The following COL4A2 variants were observed in gnomAD, a reference collection of about 807,000 sequenced individuals.
The protein encoded by COL4A2 is collagen type IV alpha 2 chain, also known as collagen alpha-2(IV) chain.
Under a neutral mutation model 200.2 loss-of-function variants are expected in COL4A2, and 99 were observed. The observed-to-expected ratio is 0.49, with a 90% CI of 0.42 to 0.58. COL4A2 has a LOEUF of 0.58. Ranked by LOEUF, COL4A2 falls within the 20% of genes least tolerant of loss-of-function variation. The pLI, the probability that COL4A2 is intolerant of heterozygous loss-of-function variation, is 0.00. For missense variants in COL4A2, 1,950 were observed against 2,314.1 expected (o/e 0.84, Z 3.23); for synonymous variants, 897 against 900.6 (o/e 1.00, Z 0.07).
At chr13:110,341,178 C>T (rs1280167551) in intron 3 of COL4A2, 2 of 152,364 alleles carry the variant, frequency 1.3e-5, no homozygotes, top group African/African-American at 4.8e-5. Flanking sequence ...ATCAGAACCC[C>T]ATTTTAAAAC....
In COL4A2 at chr13:110,491,223, G is replaced by A. The variant is rs1176566266; in HGVS notation, c.3347-10G>A. 1.3e-6 allele frequency: 2 copies of A among 1,578,528 alleles called. No individual in the cohort carries two copies. The highest frequency in any genetic ancestry group is 2.3e-5 in the South Asian group (2 of 86,814). On this transcript the variant is annotated splice_polypyrimidine_tract_variant and intron_variant, in intron 36 of 47. Transcript: ENST00000360467. ...TCTGTTTGTTCCAAGCAGCATGTCT[G>A]TGGTTGCAGGTCTGAAGGGATTCTT...
rs1173238892 is a variant in COL4A2, at chr13:110,484,966, C to T, written c.2964C>T (p.Asp988=). 6.2e-7 allele frequency: 1 copy of T among 1,613,086 alleles called. No homozygotes were observed. Among genetic ancestry groups the T allele is most frequent in the Non-Finnish European group, 8.5e-7 (1 of 1,179,318 alleles). Residue 988 remains aspartate (D), a synonymous_variant, in exon 33 of 48, where the codon GAC becomes GAT. Transcript: ENST00000360467. The part of the protein sequence containing the change: ...PPPVILPGMK[D]IKGEKGDEGP... ...CTGTCATCCTGCCAGGAATGAAAGACATTAAAGGAGAGAAAGGAGATGAAG... is the reference window on the plus strand; with the variant it reads ...CTGTCATCCTGCCAGGAATGAAAGATATTAAAGGAGAGAAAGGAGATGAAG...
At chr13:110,317,631 T>C (rs908884523) in intron 3 of COL4A2, among the ~76,000 whole-genome samples, 1 of 151,900 alleles carries the variant, frequency 6.6e-6, no homozygotes, top group Non-Finnish European at 1.5e-5. Context: ...GACCAAGAAA[T>C]ACATGAGAAT....
At chr13:110,502,984 T>C in intron 41 of COL4A2, 137 bp from the exon 42 acceptor site, 2 of 814,604 alleles carry the variant, frequency 2.5e-6, no homozygotes, top group Non-Finnish European at 2.0e-6. Flanking sequence ...GACAATTTTT[T>C]AAAAACATAG....
chr13:110,457,707 G>T, intron 21 of COL4A2: 1 of 610,516 alleles, frequency 1.6e-6, no homozygotes, highest in Non-Finnish European at 3.2e-6. Context: ...TGAGCCTGAT[G>T]CTGAGTCCTG....
chr13:110,486,583 C>T (rs1883124973), intron 34 of COL4A2, among the ~76,000 whole-genome samples: 1 of 152,214 alleles, frequency 6.6e-6, no homozygotes, highest in Non-Finnish European at 1.5e-5. Context: ...AAGGTCTGGG[C>T]CCCTTGATGT....
chr13:110,442,691 C>T (rs907199234), intron 16 of COL4A2, among the ~76,000 whole-genome samples: 4 of 149,038 alleles, frequency 2.7e-5, no homozygotes, highest in African/African-American at 4.9e-5. Flanking sequence ...GGAATGGAGA[C>T]GTAGCATTTA....
chr13:110,509,270 T>TATATATATATACAC (rs1435137108), intron 47 of COL4A2, among the ~76,000 whole-genome samples: 3 of 115,600 alleles, frequency 2.6e-5, no homozygotes, highest in African/African-American at 1.0e-4. Flanking sequence ...TATATATATA[T>TATATATATATACAC]ACACACACAC....
intron 3 of COL4A2, among the ~76,000 whole-genome samples, chr13:110,342,544 C>T (rs769761025): frequency 2.6e-5 from 4 of 152,150 alleles, no homozygotes; most frequent in Admixed American, 6.5e-5. Flanking sequence ...TACTTCCTGC[C>T]GGGAGCCGGG....
In COL4A2 at chr13:110,491,229, G is replaced by A. The variant is rs1883274436; in HGVS notation, c.3347-4G>A. The A allele has an allele frequency of 6.3e-7, 1 of 1,586,176 alleles. No homozygotes were observed. The highest frequency in any genetic ancestry group is 8.6e-7 in the Non-Finnish European group (1 of 1,163,788). On this transcript the variant is annotated splice_region_variant and splice_polypyrimidine_tract_variant and intron_variant, in intron 36 of 47. Coordinates refer to ENST00000360467, the MANE Select transcript of COL4A2 (RefSeq NM_001846.4). The stretch of plus-strand genomic sequence containing the variant: ...TGTTCCAAGCAGCATGTCTGTGGTT[G>A]CAGGTCTGAAGGGATTCTTTGGAGA...
chr13:110,385,534 G>T, intron 4 of COL4A2, among the ~76,000 whole-genome samples: 1 of 110,350 alleles, frequency 9.1e-6, no homozygotes, highest in Non-Finnish European at 2.1e-5. Flanking sequence ...ACAGTGCGTG[G>T]ATAGGCCGTG....
At position 110,355,360 on chromosome 13, in the gene COL4A2, G is replaced by T. The variant is rs1487257026; in HGVS notation, c.100-2112G>T. On this transcript the variant is annotated intron_variant, in intron 3 of 47. Coordinates refer to ENST00000360467, the MANE Select transcript of COL4A2 (RefSeq NM_001846.4). ...CACTAGCTCACCTGTGTGTGTGGGG[G>T]AGGGCTGCACTAGCTCACCTGTGTG... 7.3e-5 allele frequency among the ~76,000 whole-genome samples: 10 copies of T among 137,512 alleles called. 1 individual carries two copies. Among genetic ancestry groups the T allele is most frequent in the African/African-American group, 2.3e-4 (8 of 34,928 alleles). The allele number at this position is 137,512 out of a possible 152,430, so 90.2% of individuals were successfully genotyped here. A position where few individuals can be genotyped will look rare whatever the true frequency, so the allele number is the denominator to read the frequency against.
At chr13:110,436,871 ACT>A (rs1365643619) in intron 13 of COL4A2, among the ~76,000 whole-genome samples, 4 of 150,906 alleles carry the variant, frequency 2.7e-5, no homozygotes, top group Non-Finnish European at 5.9e-5. Flanking sequence ...TGCCGCGTCC[ACT>A]CTCTCTACGT....
In COL4A2 at chr13:110,337,681, C is replaced by T. The variant is rs187338338; in HGVS notation, c.100-19791C>T. Among the ~76,000 whole-genome samples the T allele has an allele frequency of 1.1e-3, 171 of 152,290 alleles. 1 individual carries two copies. The highest frequency in any genetic ancestry group is 4.0e-3 in the African/African-American group (165 of 41,552). On this transcript the variant is annotated intron_variant, in intron 3 of 47. Transcript: ENST00000360467. ...CAAAAGGTCCTGCTCCACATCTGAC[C>T]GCAAGCAGCCCTCTGACACAGTGCT...
chr13:110,309,807 C>A (rs114464389), intron 3 of COL4A2, among the ~76,000 whole-genome samples: 1 of 151,722 alleles, frequency 6.6e-6, no homozygotes, highest in Non-Finnish European at 1.5e-5. Flanking sequence ...GGGAGAAACA[C>A]GGTAAAACCC....
intron 28 of COL4A2, 89 bp from the exon 29 acceptor site, chr13:110,472,840 T>A: frequency 7.7e-7 from 1 of 1,298,232 alleles, no homozygotes; most frequent in East Asian, 2.5e-5. Flanking sequence ...ATAGCCAAAT[T>A]TTTGCTGTTT....
chr13:110,461,521 T>C (rs962662511), intron 22 of COL4A2, among the ~76,000 whole-genome samples: 3 of 152,222 alleles, frequency 2.0e-5, no homozygotes, highest in Non-Finnish European at 4.4e-5. Flanking sequence ...TACTTATTTA[T>C]TTATTTATTT....
chr13:110,512,155 C>T lies in COL4A2; in HGVS notation c.5103C>T (p.His1701=), dbSNP rs772344537. ...TCAAGGCCGGCCTCATCCGCACACA[C>T]ATCAGCCGCTGCCAGGTGTGCATGA... is the stretch of plus-strand genomic sequence containing the variant. ...DTLKAGLIRT[H]ISRCQVCMKN... is the part of the protein sequence containing the mutation. Residue 1701 remains histidine, a synonymous_variant, in exon 48 of 48, where the codon CAC becomes CAT. Transcript: ENST00000360467. 1 of 1,613,244 alleles carries T rather than the reference C, an allele frequency of 6.2e-7. No individual in the cohort carries two copies. The highest frequency in any genetic ancestry group is 1.7e-5 in the Admixed American group (1 of 60,006).
chr13:110,487,206 C>A (rs796400521), intron 34 of COL4A2, among the ~76,000 whole-genome samples: 3 of 152,362 alleles, frequency 2.0e-5, no homozygotes, highest in African/African-American at 7.2e-5. Context: ...AATCCCAGCA[C>A]TTTGGGAGGC....
Sources: allele counts gnomAD v4.1 joint callset (sites outside exome capture counted in the v4.1 genomes callset), GRCh38; gene constraint gnomAD v4.1.1; transcripts MANE v1.5; gene names NCBI Gene and HGNC (gene_info 2026-07-23, HGNC 2026-07-21).